DYNLT2B: variants seen among roughly 807,000 people sequenced by gnomAD.
DYNLT2B encodes the protein dynein light chain Tctex-type 2B, also known as dynein light chain Tctex-type protein 2B.
In DYNLT2B, 14 loss-of-function variants were observed where a neutral mutation model predicts 19.5. The observed-to-expected ratio is 0.72, with a 90% CI of 0.47 to 1.12. The LOEUF (loss-of-function observed/expected upper bound fraction) is 1.12, where lower values mean the gene tolerates loss of function less well. DYNLT2B is among the 50% of genes most tolerant of loss of function. The pLI is 0.00. For synonymous variants in DYNLT2B, 70 were observed against 59.7 expected (o/e 1.17, Z -0.79); for missense variants, 133 against 174.7 (o/e 0.76, Z 1.35).
At chr3:196,293,159 T>C (rs904211104) in intron 4 of DYNLT2B, among the ~76,000 whole-genome samples, 1 of 151,702 alleles carries the variant, frequency 6.6e-6, no homozygotes, top group Non-Finnish European at 1.5e-5. Flanking sequence ...CAGCCTAAAG[T>C]TTTTTATTAC....
At chr3:196,293,238 TTCA>T (rs1282691602) in intron 4 of DYNLT2B, among the ~76,000 whole-genome samples, 1 of 152,242 alleles carries the variant, frequency 6.6e-6, no homozygotes, top group Non-Finnish European at 1.5e-5. Flanking sequence ...GCCTGTCTTA[TTCA>T]TCATTTTGTC....
intron 4 of DYNLT2B, among the ~76,000 whole-genome samples, chr3:196,292,108 G>GT (rs1344749846): frequency 6.6e-6 from 1 of 152,176 alleles, no homozygotes; most frequent in African/African-American, 2.4e-5. Flanking sequence ...ACAGGACCTT[G>GT]TCATAAATTC....
intron 2 of DYNLT2B, among the ~76,000 whole-genome samples, chr3:196,315,048 C>A (rs1227914053): frequency 6.6e-6 from 1 of 151,916 alleles, no homozygotes; most frequent in African/African-American, 2.4e-5. Flanking sequence ...GGAAAGGAGT[C>A]CCTGTACTTT....
At chr3:196,315,306 A>G in intron 2 of DYNLT2B, 1 of 396,274 alleles carries the variant, frequency 2.5e-6, no homozygotes, top group Non-Finnish European at 4.8e-6. Flanking sequence ...TCTGTCACCC[A>G]GGCTGGAGTG....
chr3:196,310,268 A>AC (rs1726602072), intron 2 of DYNLT2B, among the ~76,000 whole-genome samples: 1 of 142,218 alleles, frequency 7.0e-6, no homozygotes, highest in East Asian at 2.1e-4. Context: ...CGCTCGGCTA[A>AC]TTTTTTTTTT....
intron 3 of DYNLT2B, among the ~76,000 whole-genome samples, chr3:196,301,406 A>G (rs1577388540): frequency 6.6e-6 from 1 of 152,168 alleles, no homozygotes; most frequent in African/African-American, 2.4e-5. Flanking sequence ...GAGTAAGCAT[A>G]TAACAACATA....
chr3:196,318,186 T>A lies in DYNLT2B; in HGVS notation c.-34A>T. The A allele has an allele frequency of 7.5e-7, 1 of 1,336,564 alleles. No individual in the cohort carries two copies. The highest frequency in any genetic ancestry group is 1.0e-6 in the Non-Finnish European group (1 of 996,370). 82.8% of individuals were successfully genotyped at this position (1,336,564 alleles called of 1,614,324 possible). A position where few individuals can be genotyped will look rare whatever the true frequency, so the allele number is the denominator to read the frequency against. On this transcript the variant is annotated 5_prime_UTR_variant, in exon 1 of 5. Transcript: ENST00000325318. ...TTCTCGGTCCGGGCGTAGCTCGCGA[T>A]GAAGGCCTAGCGGGTTGCGGTCGCG...
At chr3:196,312,162 G>A (rs1351912463) in intron 2 of DYNLT2B, among the ~76,000 whole-genome samples, 1 of 152,148 alleles carries the variant, frequency 6.6e-6, no homozygotes, top group Non-Finnish European at 1.5e-5. Context: ...TTACAGGCGT[G>A]AGCCACCATG....
intron 1 of DYNLT2B, among the ~76,000 whole-genome samples, chr3:196,316,909 T>TGTGTGTGTGTGTG (rs1287554227): frequency 2.8e-5 from 1 of 35,300 alleles, no homozygotes; most frequent in Non-Finnish European, 6.4e-5. Flanking sequence ...GTGTGTGTGT[T>TGTGTGTGTGTGTG]GTGTGGTGTG....
chr3:196,298,456 C>A (rs1212435944), intron 3 of DYNLT2B, among the ~76,000 whole-genome samples: 1 of 151,846 alleles, frequency 6.6e-6, no homozygotes, highest in Non-Finnish European at 1.5e-5. Flanking sequence ...TGGGACTACA[C>A]ACGTGCATTA....
intron 3 of DYNLT2B, among the ~76,000 whole-genome samples, chr3:196,303,770 G>T (rs370037698): frequency 1.3e-5 from 2 of 152,252 alleles, no homozygotes; most frequent in East Asian, 1.9e-4. Flanking sequence ...AGGACATTAG[G>T]AACAAACTAG....
At chr3:196,315,208 C>A in intron 2 of DYNLT2B, 1 of 426,180 alleles carries the variant, frequency 2.3e-6, no homozygotes, top group South Asian at 1.7e-5. Flanking sequence ...TTAATAGAAT[C>A]CACAGCTAAC....
At chr3:196,298,694 A>T (rs1182377965) in intron 3 of DYNLT2B, among the ~76,000 whole-genome samples, 2 of 152,062 alleles carry the variant, frequency 1.3e-5, no homozygotes, top group African/African-American at 4.8e-5. Flanking sequence ...GGGAGCTGCC[A>T]AAGCAAACAG....
rs144199379 is a variant in DYNLT2B at position 196,308,863 on chromosome 3, C to T, written c.248-1851G>A. Among the ~76,000 whole-genome samples, 1,221 of 152,044 alleles carry T rather than the reference C, an allele frequency of 8.0e-3. 17 individuals are homozygous for T. Among genetic ancestry groups the T allele is most frequent in the African/African-American group, 0.028 (1,164 of 41,456 alleles). On this transcript the variant is annotated intron_variant, in intron 2 of 4. Coordinates refer to ENST00000325318, the MANE Select transcript of DYNLT2B (RefSeq NM_152773.5). ...AGAATAATACTCAGCCCTTAAATCA[C>T]GGTTCTGAGGGGAAAATAAAATAGT...
chr3:196,313,434 G>C (rs1163610946), intron 2 of DYNLT2B, among the ~76,000 whole-genome samples: 1 of 152,044 alleles, frequency 6.6e-6, no homozygotes, highest in African/African-American at 2.4e-5. Context: ...GGGCTCAAGA[G>C]ATCCGCCCGC....
chr3:196,318,014 C>A (rs770709829), intron 1 of DYNLT2B, 26 bp downstream of exon 1: 1 of 1,421,100 alleles, frequency 7.0e-7, no homozygotes, highest in South Asian at 1.4e-5. Context: ...TCGAGGTCGC[C>A]CCGCCACAGC....
chr3:196,294,831 T>A (rs550142534), intron 4 of DYNLT2B, among the ~76,000 whole-genome samples: 1 of 151,788 alleles, frequency 6.6e-6, no homozygotes, highest in East Asian at 2.0e-4. Context: ...CGCCACCAGG[T>A]TCAAGCAATT....
chr3:196,309,091 G>A (rs1283568503), intron 2 of DYNLT2B, among the ~76,000 whole-genome samples: 1 of 152,088 alleles, frequency 6.6e-6, no homozygotes, highest in African/African-American at 2.4e-5. Context: ...AAACAAAGAT[G>A]CAATAGCAAA....
intron 4 of DYNLT2B, among the ~76,000 whole-genome samples, chr3:196,292,843 G>T (rs2108789181): frequency 6.6e-6 from 1 of 152,000 alleles, no homozygotes; most frequent in Admixed American, 6.6e-5. Context: ...ATGTTTCCTG[G>T]AATCTCCCAA....
Sources: gnomAD v4.1 joint callset for allele counts (sites outside exome capture counted in the v4.1 genomes callset) on GRCh38, gnomAD v4.1.1 for gene constraint, MANE v1.5 for transcripts, NCBI Gene and HGNC (gene_info 2026-07-23, HGNC 2026-07-21) for gene names.